Variants in MTMR11 observed in about 807,000 individuals in gnomAD.
The protein encoded by MTMR11 is myotubularin-related protein 11.
Under a neutral mutation model 100.0 loss-of-function variants are expected in MTMR11, and 89 were observed. The observed-to-expected ratio is 0.89, with a 90% CI of 0.75 to 1.06. The LOEUF (loss-of-function observed/expected upper bound fraction) is 1.06. MTMR11 is among the 50% of genes least tolerant of loss of function. The probability of loss-of-function intolerance (pLI) is 0.00; values close to 1 mark genes in which losing one functional copy is unlikely to be tolerated. For synonymous variants in MTMR11, 336 were observed against 326.3 expected, an observed-to-expected ratio of 1.03 and a Z score of -0.32; for missense variants, 809 against 873.7, an observed-to-expected ratio of 0.93 and a Z score of 0.93.
chr1:149,929,808 C>G lies in MTMR11; in HGVS notation c.1756G>C (p.Ala586Pro). ...CPWRDSPSLL[A>P]VSSRWLPRPA... is the part of the protein sequence containing the mutation. Reference sequence around the variant, plus strand: ...CGAGGGAGCCAACGAGAAGAGACTGCCAGCAGGGAAGGACTGTCCCGCCAA... The same window carrying G: ...CGAGGGAGCCAACGAGAAGAGACTGGCAGCAGGGAAGGACTGTCCCGCCAA... The change falls in exon 16 of 17, where the codon GCA (alanine) becomes CCA (proline). Residue 586 changes from alanine (A) to proline (P), a missense_variant. Physicochemically the swap from Ala to Pro is conservative, Grantham distance 27. Coordinates refer to ENST00000439741, the MANE Select transcript of MTMR11 (RefSeq NM_001145862.2). 1 of 1,614,186 alleles carries G rather than the reference C, an allele frequency of 6.2e-7. No individual in the cohort carries two copies. Among genetic ancestry groups the G allele is most frequent in the Non-Finnish European group, 8.5e-7 (1 of 1,180,022 alleles).
At chr1:149,929,990 G>T in intron 15 of MTMR11, 74 bp from the exon 16 acceptor site, 1 of 1,452,230 alleles carries the variant, frequency 6.9e-7, no homozygotes. Flanking sequence ...GATCAGGACA[G>T]GGTGTCCTGC....
chr1:149,932,258 G>C lies in MTMR11; in HGVS notation c.1052+6C>G. ...TAAATGATGGCTAGAAGAAGCGAGGGAGTACCTGACATAGTCCAGCCATCG... is the reference window on the plus strand; with the variant it reads ...TAAATGATGGCTAGAAGAAGCGAGGCAGTACCTGACATAGTCCAGCCATCG... On this transcript the variant is annotated splice_donor_region_variant and intron_variant, in intron 11 of 16. Transcript: ENST00000439741. 6.2e-7 allele frequency: 1 copy of C among 1,612,950 alleles called. No individual in the cohort carries two copies. Among genetic ancestry groups the C allele is most frequent in the Non-Finnish European group, 8.5e-7 (1 of 1,178,934 alleles).
Position 149,929,708 on chromosome 1 carries a change from G to T in MTMR11, c.1856C>A (p.Pro619His). The T allele has an allele frequency of 6.2e-7, 1 of 1,614,196 alleles. No homozygotes were observed. Among genetic ancestry groups the T allele is most frequent in the Non-Finnish European group, 8.5e-7 (1 of 1,180,024 alleles). The change falls in exon 16 of 17, where the codon CCT becomes CAT. Residue 619 changes from proline to histidine, a missense_variant. Coordinates refer to ENST00000439741, the MANE Select transcript of MTMR11 (RefSeq NM_001145862.2). ...ATACCCAGGCAGCAGCAGCCCTGGAGGTAAAGGGCAAGCTCCCCAATGTGA... is the reference window on the plus strand; with the variant it reads ...ATACCCAGGCAGCAGCAGCCCTGGATGTAAAGGGCAAGCTCCCCAATGTGA... ...LPSHWGACPLPPGLLLPGYLG... is the reference protein window; with the variant it reads ...LPSHWGACPLHPGLLLPGYLG...
intron 15 of MTMR11, 190 bp from the exon 16 acceptor site, chr1:149,930,106 G>T: frequency 1.4e-6 from 1 of 719,040 alleles, no homozygotes; most frequent in Non-Finnish European, 2.3e-6. Flanking sequence ...GATTAAGGTT[G>T]ATTTTAGGGC....
intron 12 of MTMR11, 141 bp downstream of exon 12, chr1:149,931,803 A>C: frequency 1.4e-6 from 1 of 719,268 alleles, no homozygotes; most frequent in Non-Finnish European, 2.4e-6. Context: ...GGTAGCACTG[A>C]AGGATGAGAG....
At chr1:149,935,727 C>T (rs1374298732) in intron 2 of MTMR11, 22 bp from the exon 3 acceptor site, 2 of 1,564,612 alleles carry the variant, frequency 1.3e-6, no homozygotes, top group Non-Finnish European at 1.7e-6. Flanking sequence ...GAAGGGAAGC[C>T]CTGTTATGAC....
intron 14 of MTMR11, 117 bp from the exon 15 acceptor site, chr1:149,930,664 GA>G: frequency 7.3e-7 from 1 of 1,366,190 alleles, no homozygotes; most frequent in Non-Finnish European, 9.9e-7. Context: ...GTCTCGTCCT[GA>G]AAATGAGAAT....
rs1553767217 is a variant in MTMR11 at position 149,930,379 on chromosome 1, G to A, written c.1633C>T (p.Leu545Phe). 6.2e-7 allele frequency: 1 copy of A among 1,613,620 alleles called. No homozygotes were observed. The highest frequency in any genetic ancestry group is 8.5e-7 in the Non-Finnish European group (1 of 1,179,622). ...YDPEHCPDSWLPRPQPSFMVP... is the reference protein window; with the variant it reads ...YDPEHCPDSWFPRPQPSFMVP... Reference sequence around the variant, plus strand: ...AGACACTTCACCTGTGGTCTAGGGAGCCAGGAATCTGGACAGTGTTCTGGG... The same window carrying A: ...AGACACTTCACCTGTGGTCTAGGGAACCAGGAATCTGGACAGTGTTCTGGG... Residue 545 changes from leucine (L) to phenylalanine (F), a missense_variant, in exon 15 of 17, where the codon CTC becomes TTC. Physicochemically the swap from Leu to Phe is conservative, Grantham distance 22 (BLOSUM62 0). Coordinates refer to ENST00000439741, the MANE Select transcript of MTMR11 (RefSeq NM_001145862.2).
chr1:149,935,191 G>T, intron 4 of MTMR11, 63 bp from the exon 5 acceptor site: 1 of 1,609,756 alleles, frequency 6.2e-7, no homozygotes, highest in Admixed American at 1.7e-5. Flanking sequence ...AGGGACTCTT[G>T]CAGCCCATCC....
chr1:149,934,271 G>A lies in MTMR11; in HGVS notation c.603C>T (p.Asp201=). ...PPIPLMETAE[D]WETERKKQAA... is the part of the protein sequence containing the mutation. ...CCTGCTTCTTCCGCTCAGTCTCCCA[G>A]TCTTCCGCTGTCTCCATGAGAGGAA... Residue 201 remains aspartate (D), a synonymous_variant, in exon 7 of 17, where the codon GAC becomes GAT. Coordinates refer to ENST00000439741, the MANE Select transcript of MTMR11 (RefSeq NM_001145862.2). 1 of 1,614,188 alleles carries A rather than the reference G, an allele frequency of 6.2e-7. No homozygotes were observed. The highest frequency in any genetic ancestry group is 8.5e-7 in the Non-Finnish European group (1 of 1,180,020).
At chr1:149,936,261 G>A in intron 1 of MTMR11, 32 bp from the exon 2 acceptor site, 1 of 1,613,250 alleles carries the variant, frequency 6.2e-7, no homozygotes, top group Non-Finnish European at 8.5e-7. Context: ...GGGGTCTAGA[G>A]TTAACCCCTA....
intron 15 of MTMR11, 176 bp downstream of exon 15, chr1:149,930,189 T>C (rs1034104429): frequency 2.8e-6 from 2 of 725,544 alleles, no homozygotes; most frequent in Admixed American, 2.9e-5. Context: ...CCCTCTGTGC[T>C]ATTCTAGGTC....
Position 149,935,367 on chromosome 1 carries a change from A to T in MTMR11, c.265-8T>A, listed in dbSNP as rs1032966505. 4 of 1,613,526 alleles carry T rather than the reference A, an allele frequency of 2.5e-6. No individual in the cohort carries two copies. The highest frequency in any genetic ancestry group is 1.7e-6 in the Non-Finnish European group (2 of 1,179,644). On this transcript the variant is annotated splice_region_variant and splice_polypyrimidine_tract_variant and intron_variant, in intron 3 of 16. Coordinates refer to ENST00000439741, the MANE Select transcript of MTMR11 (RefSeq NM_001145862.2). ...ACTGTTCAAGGGAGTGTCCTAGACG[A>T]AACACGTGACTGGGTAGACATCTGA... is the stretch of plus-strand genomic sequence containing the variant.
intron 1 of MTMR11, 33 bp downstream of exon 1, chr1:149,936,549 C>T (rs939978844): frequency 1.7e-5 from 24 of 1,453,062 alleles, no homozygotes; most frequent in African/African-American, 4.2e-5. Flanking sequence ...TTCTCACCCT[C>T]TTGCCGACAC....
intron 10 of MTMR11, 134 bp from the exon 11 acceptor site, chr1:149,932,464 C>T: frequency 1.4e-6 from 1 of 710,066 alleles, no homozygotes; most frequent in Non-Finnish European, 2.5e-6. Flanking sequence ...TAAAATTAAA[C>T]TGTGGTGATG....
intron 2 of MTMR11, among the ~76,000 whole-genome samples, 163 bp downstream of exon 2, chr1:149,935,991 A>G (rs1356404672): frequency 6.6e-6 from 1 of 152,240 alleles, no homozygotes; most frequent in Non-Finnish European, 1.5e-5. Flanking sequence ...GTCAAGGTCC[A>G]GCTCTCAGCC....
In MTMR11 at chr1:149,934,505, C is replaced by T. The variant is rs1449557404; in HGVS notation, c.490G>A (p.Ala164Thr). The T allele has an allele frequency of 2.5e-6, 4 of 1,614,098 alleles. No individual in the cohort carries two copies. The highest frequency in any genetic ancestry group is 3.4e-6 in the Non-Finnish European group (4 of 1,180,042). ...TGGGCTTGATTGCTCTGAGCTCTGG[C>T]TTGGACAATGGCCATGGTCACCTGC... ...AFQVTMAIVQ[A>T]RAQSNQAQQY... Residue 164 changes from alanine (A) to threonine (T), a missense_variant, in exon 6 of 17, where the codon GCC becomes ACC. Coordinates refer to ENST00000439741, the MANE Select transcript of MTMR11 (RefSeq NM_001145862.2).
chr1:149,936,176 G>A lies in MTMR11; in HGVS notation c.120C>T (p.Cys40=). 1.2e-6 allele frequency: 2 copies of A among 1,614,120 alleles called. No individual in the cohort carries two copies. The highest frequency in any genetic ancestry group is 1.7e-6 in the Non-Finnish European group (2 of 1,180,012). Residue 40 remains cysteine (C), a synonymous_variant, in exon 2 of 17, where the codon TGC becomes TGT. Transcript: ENST00000439741. ...PEPRSRQPSS[C]LASRCLPGEQ... ...TACCTGGGAGGCATCTGGAGGCCAGGCAACTGCTAGGCTGACGACTCCTGG... is the reference window on the plus strand; with the variant it reads ...TACCTGGGAGGCATCTGGAGGCCAGACAACTGCTAGGCTGACGACTCCTGG...
At position 149,929,834 on chromosome 1, in the gene MTMR11, G is replaced by A. The variant is rs782009559; in HGVS notation, c.1730C>T (p.Pro577Leu). Reference protein sequence around the residue: ...GALTPLNQLCPWRDSPSLLAV... With the variant: ...GALTPLNQLCLWRDSPSLLAV... ...CAGCAGGGAAGGACTGTCCCGCCAA[G>A]GACAGAGCTGATTCAGGGGGGTCAA... Residue 577 changes from proline (P) to leucine (L), a missense_variant, in exon 16 of 17, where the codon CCT (proline) becomes CTT (leucine). Transcript: ENST00000439741. 5.0e-5 allele frequency: 81 copies of A among 1,614,078 alleles called. No homozygotes were observed. Among genetic ancestry groups the A allele is most frequent in the Non-Finnish European group, 6.4e-5 (76 of 1,180,030 alleles).
Sources: gnomAD v4.1 joint callset for allele counts (sites outside exome capture counted in the v4.1 genomes callset) on GRCh38, gnomAD v4.1.1 for gene constraint, MANE v1.5 for transcripts, NCBI Gene and HGNC (gene_info 2026-07-23, HGNC 2026-07-21) for gene names.